GPR107: variants seen among roughly 807,000 people sequenced by gnomAD.
GPR107 encodes the protein protein GPR107.
In GPR107, 31 loss-of-function variants were observed where a neutral mutation model predicts 75.5. That is an observed-to-expected ratio of 0.41 (90% CI 0.31 to 0.55). The LOEUF is 0.55. Among genes scored for constraint, GPR107 ranks in the 20% least tolerant of loss-of-function variants. GPR107 has a pLI of 0.26. For missense variants in GPR107, 572 were observed against 665.7 expected (o/e 0.86, Z 1.55); for synonymous variants, 267 against 251.3 (o/e 1.06, Z -0.59).
chr9:130,070,630 A>G (rs1045671920), intron 1 of GPR107, among the ~76,000 whole-genome samples: 1 of 152,132 alleles, frequency 6.6e-6, no homozygotes, highest in South Asian at 2.1e-4. Context: ...AAGGATATAT[A>G]TTTGCCCTTA....
chr9:130,081,970 C>G (rs1386985060), intron 5 of GPR107, among the ~76,000 whole-genome samples: 1 of 152,168 alleles, frequency 6.6e-6, no homozygotes, highest in Non-Finnish European at 1.5e-5. Flanking sequence ...GGAATCTACT[C>G]CTGGTGAGGG....
In GPR107 at chr9:130,128,786, C is replaced by G. The variant is rs184920228; in HGVS notation, c.1562+25C>G. ...TGTAAGAAATCTTTCTTCCCTCTTC[C>G]TTAGCCCTGACCCCTTTGCCTAACA... On this transcript the variant is annotated intron_variant, in intron 17 of 17. Coordinates refer to ENST00000347136, the MANE Select transcript of GPR107 (RefSeq NM_020960.5). The G allele has an allele frequency of 3.0e-3, 4,848 of 1,611,042 alleles. 11 individuals carry two copies. Among genetic ancestry groups the G allele is most frequent in the Non-Finnish European group, 3.6e-3 (4,241 of 1,177,284 alleles).
intron 14 of GPR107, chr9:130,110,564 C>A: frequency 3.1e-6 from 2 of 647,850 alleles, no homozygotes. Flanking sequence ...GGTTCATGTT[C>A]TTTTCCCTGA....
intron 7 of GPR107, 100 bp from the exon 8 acceptor site, chr9:130,090,776 G>T: frequency 9.0e-5 from 45 of 497,942 alleles, no homozygotes; most frequent in Middle Eastern, 5.5e-4. Flanking sequence ...AGTAGAATTT[G>T]AACAAAAAAG....
At chr9:130,088,928 G>A (rs1266175292) in intron 7 of GPR107, among the ~76,000 whole-genome samples, 2 of 152,060 alleles carry the variant, frequency 1.3e-5, no homozygotes, top group Admixed American at 6.6e-5. Context: ...CCAGCACTTT[G>A]GGATCACAAG....
Position 130,103,441 on chromosome 9 carries a change from C to T in GPR107, c.1132-979C>T, listed in dbSNP as rs1342938967. 6.6e-6 allele frequency among the ~76,000 whole-genome samples: 1 copy of T among 152,134 alleles called. No homozygotes were observed. Among genetic ancestry groups the T allele is most frequent in the Non-Finnish European group, 1.5e-5 (1 of 68,040 alleles). On this transcript the variant is annotated intron_variant, in intron 12 of 17. Transcript: ENST00000347136. The surrounding 1 kb of genome is among the most constrained non-coding windows in gnomAD (Gnocchi z 4.3). The stretch of plus-strand genomic sequence containing the variant: ...CTCTGCATCCATTCCCAGTGGTAAT[C>T]TTCAAAAGGATGTATTATAAGTGGT...
At chr9:130,094,680 T>G (rs1830821872) in intron 9 of GPR107, among the ~76,000 whole-genome samples, 1 of 151,050 alleles carries the variant, frequency 6.6e-6, no homozygotes, top group Non-Finnish European at 1.5e-5. Flanking sequence ...TGTTTGTTTT[T>G]GTTTTTTTTT....
chr9:130,091,906 G>T (rs1432448439), intron 8 of GPR107, among the ~76,000 whole-genome samples: 1 of 152,100 alleles, frequency 6.6e-6, no homozygotes, highest in Non-Finnish European at 1.5e-5. Flanking sequence ...ATGTTGGCCA[G>T]GCTGGTCTTG....
chr9:130,077,571 G>A lies in GPR107; in HGVS notation c.386+193G>A, dbSNP rs929984188. On this transcript the variant is annotated intron_variant, in intron 4 of 17. Transcript: ENST00000347136. ...CAGAACGGAAATACACATGATCACC[G>A]CCAAACAGAGAAGTGGAAGGGAAGA... Among the ~76,000 whole-genome samples the A allele has an allele frequency of 8.5e-5, 13 of 152,142 alleles. No individual in the cohort carries two copies. In the South Asian group the frequency reaches 1.7e-3, roughly 19 times the overall value.
Position 130,119,098 on chromosome 9 carries a change from T to C in GPR107, c.1307-5817T>C, listed in dbSNP as rs550316756. 2.0e-5 allele frequency among the ~76,000 whole-genome samples: 3 copies of C among 152,252 alleles called. No homozygotes were observed. The East Asian group carries it at 5.8e-4, about 29-fold the overall frequency. On this transcript the variant is annotated intron_variant, in intron 14 of 17. Coordinates refer to ENST00000347136, the MANE Select transcript of GPR107 (RefSeq NM_020960.5). ...GCAGCAGGCTGTCGGTGTTCCTAAGTCAGGGAAATCTTTGGAAGAACAATG... is the reference window on the plus strand; with the variant it reads ...GCAGCAGGCTGTCGGTGTTCCTAAGCCAGGGAAATCTTTGGAAGAACAATG...
At chr9:130,109,713 G>A (rs761390753) in intron 14 of GPR107, among the ~76,000 whole-genome samples, 11 of 151,688 alleles carry the variant, frequency 7.3e-5, no homozygotes, top group Non-Finnish European at 1.2e-4. Flanking sequence ...GGGATTACAG[G>A]CACCCACCAC....
At chr9:130,105,251 C>CT (rs199783444) in intron 13 of GPR107, among the ~76,000 whole-genome samples, 2,460 of 144,420 alleles carry the variant, frequency 0.017, 46 homozygotes, top group African/African-American at 0.05. Context: ...ACAAGTGCTT[C>CT]TTTTTTTTTT....
In GPR107 at chr9:130,112,137, T is replaced by G. The variant is rs1053056606; in HGVS notation, c.1306+4598T>G. Reference sequence around the variant, plus strand: ...TCTCTGCTGCTCACCATCCTTTTTTTGGGCCTTGTGTTTCTGAGGAAAAGT... The same window carrying G: ...TCTCTGCTGCTCACCATCCTTTTTTGGGGCCTTGTGTTTCTGAGGAAAAGT... On this transcript the variant is annotated intron_variant, in intron 14 of 17. Coordinates refer to ENST00000347136, the MANE Select transcript of GPR107 (RefSeq NM_020960.5). This position sits in a 1 kb window ranked among gnomAD's most constrained non-coding sequence, Gnocchi z 4.0. Among the ~76,000 whole-genome samples, 1 of 152,242 alleles carries G rather than the reference T, an allele frequency of 6.6e-6. No individual in the cohort carries two copies. Among genetic ancestry groups the G allele is most frequent in the Admixed American group, 6.5e-5 (1 of 15,278 alleles).
At position 130,139,917 on chromosome 9, in the gene GPR107, CAT is replaced by C. The variant is rs1465458972; in HGVS notation, c.*4799_*4800del. On this transcript the variant is annotated 3_prime_UTR_variant, in exon 18 of 18. Coordinates refer to ENST00000347136, the MANE Select transcript of GPR107 (RefSeq NM_020960.5). ...TCGTGTGACCTCAAAAGAAGTCAGA[CAT>C]ATTTAATCCAGAAATAGTTTCGTTT... The C allele has an allele frequency of 2.6e-5, 4 of 152,182 alleles. No individual in the cohort carries two copies. The highest frequency in any genetic ancestry group is 9.7e-5 in the African/African-American group (4 of 41,410). The allele number at this position is 152,182 out of a possible 1,614,324, so 9.4% of individuals were successfully genotyped here. A position where few individuals can be genotyped will look rare whatever the true frequency, so the allele number is the denominator to read the frequency against.
chr9:130,079,774 A>G lies in GPR107; in HGVS notation c.526+5A>G, dbSNP rs1830449291. 6.3e-7 allele frequency: 1 copy of G among 1,591,462 alleles called. No individual in the cohort carries two copies. The highest frequency in any genetic ancestry group is 8.6e-7 in the Non-Finnish European group (1 of 1,169,510). ...ACCAGACCCAGAAGACACAAGGTAA[A>G]CCGTAAGGTGGAAACTGGCTTTCAG... is the stretch of plus-strand genomic sequence containing the variant. On this transcript the variant is annotated splice_donor_5th_base_variant and intron_variant, in intron 5 of 17. Coordinates refer to ENST00000347136, the MANE Select transcript of GPR107 (RefSeq NM_020960.5).
At chr9:130,083,501 AAT>A in intron 5 of GPR107, 62 bp from the exon 6 acceptor site, 7 of 925,670 alleles carry the variant, frequency 7.6e-6, no homozygotes, top group South Asian at 2.1e-5. Flanking sequence ...ATGATACTGT[AAT>A]ATATATATGT....
intron 12 of GPR107, 129 bp from the exon 13 acceptor site, chr9:130,104,291 G>C: frequency 1.4e-6 from 1 of 721,928 alleles, no homozygotes; most frequent in Admixed American, 2.3e-5. Context: ...AGAGCACGTG[G>C]GACTGGAAAG....
At chr9:130,061,730 G>A (rs1488626664) in intron 1 of GPR107, among the ~76,000 whole-genome samples, 3 of 152,060 alleles carry the variant, frequency 2.0e-5, no homozygotes, top group African/African-American at 2.4e-5. Context: ...GATCCCCTGA[G>A]GTCAGGAGTT....
rs137909665 is a variant in GPR107, at chr9:130,128,805, C to T, written c.1562+44C>T. 1.1e-4 allele frequency: 171 copies of T among 1,595,038 alleles called. 1 individual carries two copies. In the East Asian group the frequency reaches 3.8e-3, roughly 35 times the overall value. The stretch of plus-strand genomic sequence containing the variant: ...CTCTTCCTTAGCCCTGACCCCTTTG[C>T]CTAACACAAAGCAGCACAGTGTGAA... On this transcript the variant is annotated intron_variant, in intron 17 of 17. Transcript: ENST00000347136.
Sources: gnomAD v4.1 joint callset for allele counts (sites outside exome capture counted in the v4.1 genomes callset) on GRCh38, gnomAD v4.1.1 for gene constraint, Gnocchi (gnomAD v3.1) non-coding constraint, MANE v1.5 for transcripts, NCBI Gene and HGNC (gene_info 2026-07-23, HGNC 2026-07-21) for gene names.